UNC13C: variants seen among roughly 807,000 people sequenced by gnomAD.
UNC13C encodes the protein unc-13 homolog C, also known as protein unc-13 homolog C.
In UNC13C, 174 loss-of-function variants were observed where a neutral mutation model predicts 245.4. The ratio of observed to expected loss-of-function variants is 0.71; its 90% confidence interval spans 0.63 to 0.80. UNC13C has a LOEUF of 0.80. UNC13C is among the 30% of genes least tolerant of loss of function. The pLI is 0.00. For missense variants in UNC13C, 2,829 were observed against 2,602.9 expected, an observed-to-expected ratio of 1.09 and a Z score of -1.89; for synonymous variants, 992 against 895.1, an observed-to-expected ratio of 1.11 and a Z score of -1.93.
At chr15:53,940,547 T>C in the UNC13C span, among the ~76,000 whole-genome samples, 3 of 152,180 alleles carry the variant, frequency 2.0e-5, no homozygotes, top group Non-Finnish European at 2.9e-5. Context: ...GCAGGTGACA[T>C]GATCCTCTAT....
At chr15:53,909,883 G>A in the UNC13C span, among the ~76,000 whole-genome samples, 1 of 146,686 alleles carries the variant, frequency 6.8e-6, no homozygotes, top group Non-Finnish European at 1.5e-5. Flanking sequence ...AACCACTTGA[G>A]CACTGAATGC....
At chr15:54,229,049 C>T (rs531639952) in intron 4 of UNC13C, among the ~76,000 whole-genome samples, 76 of 152,292 alleles carry the variant, frequency 5.0e-4, no homozygotes, top group Non-Finnish European at 8.2e-4. Flanking sequence ...TCCCCACTTG[C>T]TAGGGCTGGT....
intron 19 of UNC13C, among the ~76,000 whole-genome samples, chr15:54,483,668 A>G (rs1272593828): frequency 6.6e-6 from 1 of 151,920 alleles, no homozygotes; most frequent in Non-Finnish European, 1.5e-5. Flanking sequence ...GCTAATTTTT[A>G]TATTTTTGGT....
At chr15:54,012,150 T>A (rs1343491704) in intron 1 of UNC13C, among the ~76,000 whole-genome samples, 1 of 152,196 alleles carries the variant, frequency 6.6e-6, no homozygotes, top group Non-Finnish European at 1.5e-5. Context: ...AGAGATTATT[T>A]ATTTATGTGG....
At chr15:53,842,738 C>T in the UNC13C span, among the ~76,000 whole-genome samples, 2 of 152,056 alleles carry the variant, frequency 1.3e-5, no homozygotes, top group Admixed American at 6.6e-5. Flanking sequence ...AGTTTGACAA[C>T]TTGCACCCAG....
At chr15:53,845,140 A>G in the UNC13C span, among the ~76,000 whole-genome samples, 3 of 151,986 alleles carry the variant, frequency 2.0e-5, no homozygotes, top group African/African-American at 7.3e-5. Context: ...CCTGGCCAAT[A>G]CAGTGAAACC....
intron 10 of UNC13C, among the ~76,000 whole-genome samples, chr15:54,292,671 T>C (rs753235841): frequency 7.2e-5 from 11 of 151,864 alleles, no homozygotes; most frequent in Admixed American, 3.9e-4. Flanking sequence ...ATAAAATTCA[T>C]AGAATTAAAT....
At chr15:54,320,765 A>C (rs1228175846) in intron 13 of UNC13C, 1 of 392,240 alleles carries the variant, frequency 2.5e-6, no homozygotes, top group Non-Finnish European at 4.9e-6. Context: ...CTGCTACTGG[A>C]ACCACCATGA....
chr15:54,180,106 T>G (rs1567073534), intron 4 of UNC13C, among the ~76,000 whole-genome samples: 1 of 152,048 alleles, frequency 6.6e-6, no homozygotes. Flanking sequence ...AATGATTCCA[T>G]CACCCAAGTA....
chr15:53,888,573 T>G, the UNC13C span, among the ~76,000 whole-genome samples: 1 of 152,232 alleles, frequency 6.6e-6, no homozygotes, highest in South Asian at 2.1e-4. Context: ...ATTTGTCAAT[T>G]TTGGCTTTTG....
rs76661324 is a variant in UNC13C at position 54,528,379 on chromosome 15, A to ATTC, written c.5546+2742_5546+2743insTTC. On this transcript the variant is annotated intron_variant, in intron 25 of 32. Coordinates refer to ENST00000260323, the MANE Select transcript of UNC13C (RefSeq NM_001080534.3). ...GTACTAGAGGCTGGCTAGATTAAGT[A>ATTC]AACAAAAAAATTCAGGAATATTTCG... is the stretch of plus-strand genomic sequence containing the variant. 4.7e-4 allele frequency among the ~76,000 whole-genome samples: 71 copies of ATTC among 150,748 alleles called. 1 individual carries two copies. In the East Asian group the frequency reaches 0.013, roughly 27 times the overall value.
intron 2 of UNC13C, among the ~76,000 whole-genome samples, chr15:54,067,357 T>C (rs1386126227): frequency 6.6e-6 from 1 of 152,302 alleles, no homozygotes. Context: ...ACACCTAATT[T>C]TGGATTTTCT....
intron 18 of UNC13C, among the ~76,000 whole-genome samples, chr15:54,406,184 C>T (rs960953664): frequency 6.6e-5 from 10 of 152,052 alleles, no homozygotes; most frequent in Admixed American, 3.3e-4. Flanking sequence ...CTAGGTTCGA[C>T]GAAAAGTGGA....
intron 26 of UNC13C, among the ~76,000 whole-genome samples, chr15:54,534,831 A>C (rs1183788738): frequency 6.6e-6 from 1 of 152,226 alleles, no homozygotes; most frequent in Non-Finnish European, 1.5e-5. Flanking sequence ...GCATAGGAGA[A>C]ATTATATCCT....
intron 4 of UNC13C, among the ~76,000 whole-genome samples, chr15:54,160,454 G>C (rs1203580105): frequency 1.3e-5 from 2 of 150,718 alleles, no homozygotes; most frequent in Admixed American, 1.3e-4. Flanking sequence ...TAGAAACTAT[G>C]ATAAGTTGTT....
chr15:54,212,059 T>G (rs2034896664), intron 4 of UNC13C, among the ~76,000 whole-genome samples: 1 of 152,126 alleles, frequency 6.6e-6, no homozygotes, highest in Non-Finnish European at 1.5e-5. Flanking sequence ...GACCAAGTTA[T>G]GAACACTAAC....
intron 7 of UNC13C, 123 bp downstream of exon 7, chr15:54,237,813 G>T (rs142735335): frequency 7.3e-6 from 6 of 818,046 alleles, no homozygotes; most frequent in Non-Finnish European, 1.2e-5. Flanking sequence ...ATAACTGGGA[G>T]CATGAGGAAA....
chr15:53,855,883 TACCTCTGGTAGAATTCAG>T, the UNC13C span, among the ~76,000 whole-genome samples: 13 of 152,200 alleles, frequency 8.5e-5, no homozygotes, highest in South Asian at 6.2e-4. Flanking sequence ...CTCTTCTTTG[TACCTCTGGTAGAATTCAG>T]ACCTGAGTCC....
chr15:53,955,220 T>G, the UNC13C span, among the ~76,000 whole-genome samples: 1 of 151,860 alleles, frequency 6.6e-6, no homozygotes, highest in Non-Finnish European at 1.5e-5. Flanking sequence ...TTTGTGAAGA[T>G]TTCCACTTCC....
Sources: gnomAD v4.1 joint callset for allele counts (sites outside exome capture counted in the v4.1 genomes callset) on GRCh38, gnomAD v4.1.1 for gene constraint, MANE v1.5 for transcripts, NCBI Gene and HGNC (gene_info 2026-07-23, HGNC 2026-07-21) for gene names.